CCDC60: variants seen among roughly 807,000 people sequenced by gnomAD.
CCDC60 encodes coiled-coil domain-containing protein 60.
A neutral mutation model predicts 63.5 loss-of-function variants in CCDC60; 54 were observed. The observed-to-expected ratio is 0.85, with a 90% confidence interval of 0.68 to 1.07. CCDC60 has a LOEUF of 1.07. CCDC60 is among the 50% of genes least tolerant of loss of function. The pLI is 0.00. For missense variants in CCDC60, 651 were observed against 684.3 expected (o/e 0.95, Z 0.54); for synonymous variants, 206 against 238.8 (o/e 0.86, Z 1.27).
intron 1 of CCDC60, among the ~76,000 whole-genome samples, chr12:119,424,824 C>CA (rs1345629331): frequency 2.0e-5 from 3 of 151,928 alleles, no homozygotes; most frequent in Non-Finnish European, 4.4e-5. Context: ...TATACTTTGA[C>CA]AGAAATGGTT....
Position 119,516,603 on chromosome 12 carries a change from A to G in CCDC60, c.884-20A>G. The G allele has an allele frequency of 6.3e-7, 1 of 1,581,104 alleles. No individual in the cohort carries two copies. Among genetic ancestry groups the G allele is most frequent in the Non-Finnish European group, 8.7e-7 (1 of 1,151,512 alleles). On this transcript the variant is annotated intron_variant, in intron 7 of 13. Transcript: ENST00000327554. Reference sequence around the variant, plus strand: ...CAGGGGTGGCTTCTGGTCAAGGGTGACCTCTCATATTCTCATCAGATCTGC... The same window carrying G: ...CAGGGGTGGCTTCTGGTCAAGGGTGGCCTCTCATATTCTCATCAGATCTGC...
intron 1 of CCDC60, among the ~76,000 whole-genome samples, chr12:119,343,268 G>A (rs778702917): frequency 6.6e-6 from 1 of 152,086 alleles, no homozygotes; most frequent in South Asian, 2.1e-4. Flanking sequence ...TTATGCAATC[G>A]GTAGTTTTAT....
chr12:119,498,243 C>T (rs1951758641), intron 5 of CCDC60, among the ~76,000 whole-genome samples: 1 of 152,206 alleles, frequency 6.6e-6, no homozygotes, highest in Non-Finnish European at 1.5e-5. Flanking sequence ...CACCTCCCTT[C>T]TACCCACAAC....
intron 7 of CCDC60, among the ~76,000 whole-genome samples, chr12:119,507,253 G>T (rs1350009087): frequency 6.6e-6 from 1 of 151,780 alleles, no homozygotes; most frequent in Non-Finnish European, 1.5e-5. Flanking sequence ...GGTGGTCAGG[G>T]TTCAGAGTAA....
In CCDC60 at chr12:119,469,713, C is replaced by T. The variant is rs527567028; in HGVS notation, c.171-2281C>T. Among the ~76,000 whole-genome samples, 3 of 152,264 alleles carry T rather than the reference C, an allele frequency of 2.0e-5. No homozygotes were observed. In the South Asian group the frequency reaches 6.2e-4, roughly 32 times the overall value. ...AAACCTATAGAGGCCACAACAACTG[C>T]AAAGCAACTGCCACGTAGCTGGCAG... On this transcript the variant is annotated intron_variant, in intron 2 of 13. Coordinates refer to ENST00000327554, the MANE Select transcript of CCDC60 (RefSeq NM_178499.5).
intron 1 of CCDC60, among the ~76,000 whole-genome samples, chr12:119,417,202 CTT>C (rs1478027121): frequency 2.6e-5 from 4 of 152,092 alleles, no homozygotes; most frequent in Admixed American, 2.0e-4. Context: ...GGTGATTCTG[CTT>C]CCCAGAGGAC....
intron 1 of CCDC60, among the ~76,000 whole-genome samples, chr12:119,339,899 A>G (rs1346138668): frequency 6.6e-6 from 1 of 152,202 alleles, no homozygotes; most frequent in Non-Finnish European, 1.5e-5. Context: ...CAGTAAATCA[A>G]CCAACCAATA....
At chr12:119,417,838 C>A (rs1231769585) in intron 1 of CCDC60, among the ~76,000 whole-genome samples, 1 of 152,204 alleles carries the variant, frequency 6.6e-6, no homozygotes, top group Non-Finnish European at 1.5e-5. Context: ...CATCCAAGCT[C>A]CCACCCTGAA....
At chr12:119,406,447 T>G (rs1565991590) in intron 1 of CCDC60, among the ~76,000 whole-genome samples, 1 of 152,166 alleles carries the variant, frequency 6.6e-6, no homozygotes, top group Non-Finnish European at 1.5e-5. Context: ...TTTTCATCCC[T>G]TCATCCACTC....
intron 3 of CCDC60, among the ~76,000 whole-genome samples, chr12:119,474,264 G>C (rs1248120043): frequency 1.3e-5 from 2 of 152,182 alleles, no homozygotes; most frequent in African/African-American, 4.8e-5. Flanking sequence ...GTTGAGAGCC[G>C]TTAGGCTAAG....
intron 1 of CCDC60, among the ~76,000 whole-genome samples, chr12:119,341,584 CCCAGTTAGCCT>C (rs999424457): frequency 6.6e-6 from 1 of 152,146 alleles, no homozygotes; most frequent in African/African-American, 2.4e-5. Flanking sequence ...GAGCACGATA[CCCAGTTAGCCT>C]CCACTAAGTG....
intron 4 of CCDC60, among the ~76,000 whole-genome samples, chr12:119,480,205 A>G (rs983569716): frequency 4.6e-5 from 7 of 151,734 alleles, no homozygotes; most frequent in Non-Finnish European, 1.0e-4. Context: ...GCATTATCTC[A>G]CTCAGTCCTC....
At chr12:119,505,360 C>A in intron 7 of CCDC60, 57 bp downstream of exon 7, 1 of 1,175,384 alleles carries the variant, frequency 8.5e-7, no homozygotes, top group Non-Finnish European at 1.2e-6. Flanking sequence ...TTAAGCCAGA[C>A]ATCAAGAAAC....
chr12:119,517,705 A>T (rs563187811), intron 8 of CCDC60, among the ~76,000 whole-genome samples: 290 of 152,322 alleles, frequency 1.9e-3, no homozygotes, highest in Non-Finnish European at 2.7e-3. Flanking sequence ...CCAAAAAGGG[A>T]TGAAACTCAA....
In CCDC60 at chr12:119,456,060, AAAGCAAGCAAGC is replaced by A. The variant is rs77318681; in HGVS notation, c.171-15932_171-15921del. Among the ~76,000 whole-genome samples, 864 of 118,872 alleles carry A rather than the reference AAAGCAAGCAAGC, an allele frequency of 7.3e-3. 29 individuals carry two copies. Among genetic ancestry groups the A allele is most frequent in the African/African-American group, 0.026 (812 of 31,468 alleles). 78.0% of individuals were successfully genotyped at this position (118,872 alleles called of 152,430 possible). A position where few individuals can be genotyped will look rare whatever the true frequency, so the allele number is the denominator to read the frequency against. ...GAAAGAAAGAAAGAAAGAAAGAAAG[AAAGCAAGCAAGC>A]ATGTGCAATTTCAAGGGGGTAGAGA... On this transcript the variant is annotated intron_variant, in intron 2 of 13. Transcript: ENST00000327554. The surrounding 1 kb of genome is among the most constrained non-coding windows in gnomAD (Gnocchi z 4.6).
intron 2 of CCDC60, among the ~76,000 whole-genome samples, chr12:119,454,892 G>A (rs549112082): frequency 6.4e-4 from 97 of 152,234 alleles, no homozygotes; most frequent in Admixed American, 5.7e-3. Context: ...ACCATCCTCC[G>A]TATTTGCTTC....
chr12:119,537,716 C>G (rs1386395254), intron 13 of CCDC60, among the ~76,000 whole-genome samples: 1 of 151,680 alleles, frequency 6.6e-6, no homozygotes, highest in Non-Finnish European at 1.5e-5. Flanking sequence ...CACTCCAGAC[C>G]CTGTTTGCCT....
In CCDC60 at chr12:119,540,809, T is replaced by A. The variant is rs1202128970; in HGVS notation, c.*94T>A. ...CTGTGTTCCTGCCTCCTGACTACCC[T>A]CATGGATGCTCTTTATGGATGACCC... On this transcript the variant is annotated 3_prime_UTR_variant, in exon 14 of 14. Coordinates refer to ENST00000327554, the MANE Select transcript of CCDC60 (RefSeq NM_178499.5). The A allele has an allele frequency of 4.8e-6, 4 of 825,586 alleles. No individual in the cohort carries two copies. In the East Asian group the frequency reaches 1.0e-4, roughly 21 times the overall value. The allele number at this position is 825,586 out of a possible 1,614,324, so 51.1% of individuals were successfully genotyped here. A position where few individuals can be genotyped will look rare whatever the true frequency, so the allele number is the denominator to read the frequency against.
intron 6 of CCDC60, among the ~76,000 whole-genome samples, chr12:119,504,003 G>C (rs2136425956): frequency 6.6e-6 from 1 of 152,218 alleles, no homozygotes; most frequent in Non-Finnish European, 1.5e-5. Flanking sequence ...AGCCCACTCT[G>C]TGTTGAGCTC....
Sources: allele counts gnomAD v4.1 joint callset (sites outside exome capture counted in the v4.1 genomes callset), GRCh38; gene constraint gnomAD v4.1.1; non-coding constraint Gnocchi (gnomAD v3.1); transcripts MANE v1.5; gene names NCBI Gene and HGNC (gene_info 2026-07-23, HGNC 2026-07-21).